TESPA1: variants seen among roughly 807,000 people sequenced by gnomAD.
The protein encoded by TESPA1 is protein TESPA1.
A neutral mutation model predicts 57.9 loss-of-function variants in TESPA1; 33 were observed. The ratio of observed to expected loss-of-function variants is 0.57; its 90% CI spans 0.43 to 0.76. TESPA1 has a LOEUF of 0.76. TESPA1 is among the 30% of genes least tolerant of loss of function. The pLI, the probability that TESPA1 is intolerant of heterozygous loss-of-function variation, is 0.00. For missense variants in TESPA1, 618 were observed against 632.9 expected (o/e 0.98, Z 0.25); for synonymous variants, 227 against 228.9 (o/e 0.99, Z 0.07).
chr12:54,964,013 C>T, intron 7 of TESPA1, 63 bp from the exon 8 acceptor site: 1 of 1,477,686 alleles, frequency 6.8e-7, no homozygotes, highest in Non-Finnish European at 9.4e-7. Context: ...TTCAGAATAT[C>T]AGAATATCTA....
At chr12:54,973,306 C>T (rs1276397146) in intron 3 of TESPA1, among the ~76,000 whole-genome samples, 171 bp downstream of exon 3, 1 of 152,180 alleles carries the variant, frequency 6.6e-6, no homozygotes, top group East Asian at 1.9e-4. Context: ...CAATTGTGAT[C>T]ACCAGTTCAC....
rs1319694853 is a variant in TESPA1 at position 54,962,795 on chromosome 12, G to A, written c.1103C>T (p.Thr368Ile). Residue 368 changes from threonine to isoleucine, a missense_variant, in exon 9 of 11, where the codon ACA (threonine) becomes ATA (isoleucine). Physicochemically the swap from Thr to Ile is moderately conservative, Grantham distance 89 (BLOSUM62 -1). Around this residue, in one of 3 missense-constraint regions of TESPA1, gnomAD observed 409 missense variants for 420.1 expected, o/e 0.97. Transcript: ENST00000449076. Reference protein sequence around the residue: ...YPCVFCCEEETQQRMSTVLAP... With the variant: ...YPCVFCCEEEIQQRMSTVLAP... Reference sequence around the variant, plus strand: ...TAGCACTGTGGACATCCTCTGCTGTGTTTCCTCTTCACAGCAGAAGACACA... The same window carrying A: ...TAGCACTGTGGACATCCTCTGCTGTATTTCCTCTTCACAGCAGAAGACACA... The A allele has an allele frequency of 6.2e-7, 1 of 1,613,912 alleles. No individual in the cohort carries two copies. Among genetic ancestry groups the A allele is most frequent in the Non-Finnish European group, 8.5e-7 (1 of 1,179,888 alleles).
rs976955678 is a variant in TESPA1, at chr12:54,949,180, CAGATGGTT to C, written c.*1204_*1211del. On this transcript the variant is annotated 3_prime_UTR_variant, in exon 11 of 11. Coordinates refer to ENST00000449076, the MANE Select transcript of TESPA1 (RefSeq NM_001136030.3). The stretch of plus-strand genomic sequence containing the variant: ...TTTTGGTATGGGGAATTAGTAAACA[CAGATGGTT>C]TAAAAATTTTTCCACCCTAGCCCTT... 8 of 152,128 alleles carry C rather than the reference CAGATGGTT, an allele frequency of 5.3e-5. No homozygotes were observed. Among genetic ancestry groups the C allele is most frequent in the Non-Finnish European group, 8.8e-5 (6 of 68,026 alleles). The allele number at this position is 152,128 out of a possible 1,614,324, so 9.4% of individuals were successfully genotyped here. A position where few individuals can be genotyped will look rare whatever the true frequency, so the allele number is the denominator to read the frequency against.
chr12:54,956,017 G>A (rs1950714293), intron 10 of TESPA1, among the ~76,000 whole-genome samples: 1 of 152,256 alleles, frequency 6.6e-6, no homozygotes, highest in South Asian at 2.1e-4. Flanking sequence ...TATGTCATAG[G>A]ATGAAATGAT....
intron 10 of TESPA1, among the ~76,000 whole-genome samples, chr12:54,959,064 C>G (rs984546095): frequency 6.6e-6 from 1 of 152,200 alleles, no homozygotes; most frequent in Non-Finnish European, 1.5e-5. Flanking sequence ...TACAACTGGA[C>G]GCGATGTACT....
chr12:54,967,565 A>G (rs1951527268), intron 4 of TESPA1, among the ~76,000 whole-genome samples: 1 of 152,126 alleles, frequency 6.6e-6, no homozygotes, highest in Non-Finnish European at 1.5e-5. Context: ...CATATTTTAT[A>G]AAGTTCTTTT....
In TESPA1 at chr12:54,949,691, A is replaced by G. The variant is rs1950267202; in HGVS notation, c.*701T>C. On this transcript the variant is annotated 3_prime_UTR_variant, in exon 11 of 11. Transcript: ENST00000449076. ...AGAAATAGCATTTTTTCCCCCCACA[A>G]TGGCTAGGAGAAGAGACTCTGAATC... is the stretch of plus-strand genomic sequence containing the variant. The G allele has an allele frequency of 6.6e-6, 1 of 152,468 alleles. No individual in the cohort carries two copies. Among genetic ancestry groups the G allele is most frequent in the African/African-American group, 2.4e-5 (1 of 41,424 alleles). The allele number at this position is 152,468 out of a possible 1,614,324, so 9.4% of individuals were successfully genotyped here. A position where few individuals can be genotyped will look rare whatever the true frequency, so the allele number is the denominator to read the frequency against.
intron 3 of TESPA1, 84 bp downstream of exon 3, chr12:54,973,393 C>T (rs1951960269): frequency 1.9e-6 from 3 of 1,583,536 alleles, no homozygotes; most frequent in African/African-American, 1.3e-5. Context: ...ATCCATCTTC[C>T]CGTCTCTGAG....
intron 1 of TESPA1, among the ~76,000 whole-genome samples, chr12:54,980,434 G>A (rs764285555): frequency 3.9e-5 from 6 of 152,312 alleles, no homozygotes; most frequent in East Asian, 3.9e-4. Flanking sequence ...CTGGAATTCC[G>A]CATTACTTTC....
upstream of TESPA1, among the ~76,000 whole-genome samples, chr12:54,985,165 C>T (rs1334143913): frequency 6.6e-6 from 1 of 152,200 alleles, no homozygotes; most frequent in African/African-American, 2.4e-5. Flanking sequence ...GCCAGTCGCT[C>T]TGTGTTGATA....
rs1388812706 is a variant in TESPA1 at position 54,983,439 on chromosome 12, A to G, written c.-46+1146T>C. Among the ~76,000 whole-genome samples, 3 of 152,096 alleles carry G rather than the reference A, an allele frequency of 2.0e-5. No homozygotes were observed. The East Asian group carries it at 5.8e-4, about 29-fold the overall frequency. On this transcript the variant is annotated intron_variant, in intron 1 of 10. Coordinates refer to ENST00000449076, the MANE Select transcript of TESPA1 (RefSeq NM_001136030.3). ...TCATGCTGCAAGACAATATTGTGAG[A>G]TCTTTATCTCTAATCACTCAGCTGA... is the stretch of plus-strand genomic sequence containing the variant.
chr12:54,966,464 G>A, intron 5 of TESPA1, 40 bp from the exon 6 acceptor site: 1 of 1,603,550 alleles, frequency 6.2e-7, no homozygotes, highest in African/African-American at 1.3e-5. Flanking sequence ...AATTAGAAGG[G>A]AAAATGAAAA....
rs759798287 is a variant in TESPA1 at position 54,963,816 on chromosome 12, C to A, written c.581G>T (p.Gly194Val). 1 of 1,613,982 alleles carries A rather than the reference C, an allele frequency of 6.2e-7. No individual in the cohort carries two copies. ...CTTCAGGAAGAGCTGGAAATCAATG[C>A]CCTTGGCCTGAGAGGGGGTGGTGAA... The part of the protein sequence containing the change: ...RFFTTPSQAK[G>V]IDFQLFLKSQ... Residue 194 changes from glycine (G) to valine (V), a missense_variant, in exon 8 of 11, where the codon GGC becomes GTC. Around this residue, in one of 3 missense-constraint regions of TESPA1, gnomAD observed 409 missense variants for 420.1 expected, o/e 0.97. Coordinates refer to ENST00000449076, the MANE Select transcript of TESPA1 (RefSeq NM_001136030.3).
At chr12:54,974,076 G>T in intron 2 of TESPA1, 3 of 313,718 alleles carry the variant, frequency 9.6e-6, no homozygotes, top group Non-Finnish European at 1.5e-5. Context: ...CATCCAGCTT[G>T]GGTGTGGTCT....
At chr12:54,957,117 A>C (rs1474277147) in intron 10 of TESPA1, among the ~76,000 whole-genome samples, 1 of 152,146 alleles carries the variant, frequency 6.6e-6, no homozygotes, top group East Asian at 1.9e-4. Flanking sequence ...AATGAATTAG[A>C]AAAAAATGGA....
chr12:54,953,165 G>C (rs1950501136), intron 10 of TESPA1, among the ~76,000 whole-genome samples: 1 of 152,136 alleles, frequency 6.6e-6, no homozygotes, highest in Admixed American at 6.5e-5. Context: ...CTTTCTAAAA[G>C]ACAAATCTAA....
intron 10 of TESPA1, among the ~76,000 whole-genome samples, chr12:54,956,092 G>A (rs1950718214): frequency 6.6e-6 from 1 of 152,098 alleles, no homozygotes; most frequent in South Asian, 2.1e-4. Flanking sequence ...ATTGTTATTG[G>A]TAATATTATC....
intron 5 of TESPA1, 91 bp from the exon 6 acceptor site, chr12:54,966,515 C>CT: frequency 6.8e-7 from 1 of 1,473,274 alleles, no homozygotes; most frequent in Non-Finnish European, 9.2e-7. Flanking sequence ...TCAGTCCCCT[C>CT]TGTTTCTTTT....
intron 9 of TESPA1, among the ~76,000 whole-genome samples, chr12:54,961,877 T>C (rs1951100599): frequency 6.6e-6 from 1 of 152,120 alleles, no homozygotes; most frequent in East Asian, 1.9e-4. Flanking sequence ...ATGTGCAGGC[T>C]CGGGTAACCA....
Sources: allele counts gnomAD v4.1 joint callset (sites outside exome capture counted in the v4.1 genomes callset), GRCh38; gene constraint gnomAD v4.1.1; regional missense constraint gnomAD v4.1.1; transcripts MANE v1.5; gene names NCBI Gene and HGNC (gene_info 2026-07-23, HGNC 2026-07-21).